MAGI2: variants seen among roughly 807,000 people sequenced by gnomAD.
The protein encoded by MAGI2 is membrane associated guanylate kinase, WW and PDZ domain containing 2.
A neutral mutation model predicts 133.3 loss-of-function variants in MAGI2; 35 were observed. The ratio of observed to expected loss-of-function variants is 0.26; its 90% CI spans 0.20 to 0.35. MAGI2 has a LOEUF of 0.35. Among genes scored for constraint, MAGI2 ranks in the 10% least tolerant of loss-of-function variants. The pLI is 1.00. For missense variants in MAGI2, 1,636 were observed against 1,863.4 expected (o/e 0.88, Z 2.25); for synonymous variants, 729 against 710.6 (o/e 1.03, Z -0.41).
intron 1 of MAGI2, among the ~76,000 whole-genome samples, chr7:79,304,621 C>T (rs903866385): frequency 2.6e-5 from 4 of 152,108 alleles, no homozygotes; most frequent in Admixed American, 6.5e-5. Flanking sequence ...CCAGCTCTTC[C>T]GTTCTGGTTT....
chr7:78,032,427 A>G (rs747648589), intron 21 of MAGI2, among the ~76,000 whole-genome samples: 16 of 152,018 alleles, frequency 1.1e-4, no homozygotes, highest in Non-Finnish European at 2.2e-4. Flanking sequence ...GTTGCCCAGG[A>G]TGGTCTTGAA....
intron 7 of MAGI2, among the ~76,000 whole-genome samples, chr7:78,363,961 A>G (rs529772638): frequency 6.6e-6 from 1 of 152,246 alleles, no homozygotes; most frequent in Non-Finnish European, 1.5e-5. Flanking sequence ...CTTGGCATGC[A>G]CGAAGTGCAC....
intron 3 of MAGI2, among the ~76,000 whole-genome samples, chr7:78,575,603 A>G (rs923021477): frequency 9.2e-5 from 14 of 152,194 alleles, no homozygotes; most frequent in African/African-American, 3.4e-4. Flanking sequence ...TAATATCGAT[A>G]GTGATAAGTC....
chr7:79,392,831 C>A (rs2053109852), intron 1 of MAGI2, among the ~76,000 whole-genome samples: 1 of 151,746 alleles, frequency 6.6e-6, no homozygotes, highest in African/African-American at 2.4e-5. Context: ...AATACTTTGC[C>A]AAGGCAGGAA....
intron 1 of MAGI2, among the ~76,000 whole-genome samples, chr7:79,440,179 T>C (rs938407787): frequency 6.6e-6 from 1 of 152,008 alleles, no homozygotes; most frequent in African/African-American, 2.4e-5. Context: ...GTTCTTTTTT[T>C]TTTTTCTTTA....
At chr7:79,282,712 G>A (rs1166556694) in intron 1 of MAGI2, among the ~76,000 whole-genome samples, 1 of 151,976 alleles carries the variant, frequency 6.6e-6, no homozygotes, top group Non-Finnish European at 1.5e-5. Context: ...TAAAGACCTG[G>A]CATTCAGAAA....
intron 2 of MAGI2, among the ~76,000 whole-genome samples, chr7:78,759,617 T>C (rs545479423): frequency 9.5e-4 from 145 of 152,312 alleles, no homozygotes; most frequent in Admixed American, 1.4e-3. Flanking sequence ...TTAAAACCAT[T>C]AGTTGTATTA....
intron 21 of MAGI2, among the ~76,000 whole-genome samples, chr7:78,020,786 A>C (rs538096933): frequency 2.6e-5 from 4 of 151,438 alleles, no homozygotes; most frequent in African/African-American, 2.4e-5. Flanking sequence ...TCAGTTTCAG[A>C]ATTTGGATAA....
At chr7:78,185,146 T>C (rs2150705668) in intron 13 of MAGI2, among the ~76,000 whole-genome samples, 1 of 152,350 alleles carries the variant, frequency 6.6e-6, no homozygotes, top group East Asian at 1.9e-4. Context: ...TAACTTAGTA[T>C]ATGCAAAATA....
At chr7:79,310,294 A>ACAGCAATC (rs904918913) in intron 1 of MAGI2, among the ~76,000 whole-genome samples, 9 of 151,958 alleles carry the variant, frequency 5.9e-5, no homozygotes, top group African/African-American at 2.2e-4. Context: ...TTCTAAAGAT[A>ACAGCAATC]CAGCAATCCA....
Position 78,719,104 on chromosome 7 carries a change from C to A in MAGI2, c.419-91865G>T, listed in dbSNP as rs527483486. ...ATATCTAGATTTACCTGAAGAATTT[C>A]TCTGCCTCCAGCTTTCCAACATTCT... On this transcript the variant is annotated intron_variant, in intron 2 of 21. Transcript: ENST00000354212. Among the ~76,000 whole-genome samples the A allele has an allele frequency of 3.3e-5, 5 of 152,322 alleles. No individual in the cohort carries two copies. The South Asian group carries it at 1.0e-3, about 32-fold the overall frequency.
At chr7:78,371,704 C>G (rs1426642776) in intron 6 of MAGI2, among the ~76,000 whole-genome samples, 4 of 152,028 alleles carry the variant, frequency 2.6e-5, no homozygotes, top group African/African-American at 9.7e-5. Flanking sequence ...CACTTGTTAT[C>G]ATGCAGTCCT....
At chr7:79,128,079 T>C (rs562335196) in intron 1 of MAGI2, among the ~76,000 whole-genome samples, 294 of 152,336 alleles carry the variant, frequency 1.9e-3, no homozygotes, top group African/African-American at 6.8e-3. Flanking sequence ...TTGCTTGTTT[T>C]TGTCAGGTTT....
In MAGI2 at chr7:78,325,343, CCAGA is replaced by C. The variant is rs375065308; in HGVS notation, c.1408+18431_1408+18434del. On this transcript the variant is annotated intron_variant, in intron 9 of 21. Transcript: ENST00000354212. ...AGACAGTTTATAGATGCTGAATCTT[CCAGA>C]CAAACTTTACAGCCTTGTTCACATA... Among the ~76,000 whole-genome samples, 78 of 152,250 alleles carry C rather than the reference CCAGA, an allele frequency of 5.1e-4. No homozygotes were observed. The East Asian group carries it at 0.013, about 26-fold the overall frequency.
At chr7:79,068,188 C>T (rs1396393487) in intron 1 of MAGI2, among the ~76,000 whole-genome samples, 2 of 152,118 alleles carry the variant, frequency 1.3e-5, no homozygotes, top group Non-Finnish European at 2.9e-5. Context: ...GGTACTAACT[C>T]CTCTTTGTAC....
At chr7:78,206,133 T>A (rs188261917) in intron 10 of MAGI2, among the ~76,000 whole-genome samples, 3 of 152,316 alleles carry the variant, frequency 2.0e-5, no homozygotes, top group African/African-American at 7.2e-5. Flanking sequence ...GGTAACAGTT[T>A]TATTATTATT....
At chr7:78,848,436 C>T (rs1307271894) in intron 2 of MAGI2, among the ~76,000 whole-genome samples, 1 of 151,998 alleles carries the variant, frequency 6.6e-6, no homozygotes, top group East Asian at 1.9e-4. Flanking sequence ...TCTATCCTTG[C>T]CATCCTTTGA....
intron 2 of MAGI2, among the ~76,000 whole-genome samples, chr7:78,638,563 A>G (rs140447731): frequency 1.6e-3 from 239 of 152,292 alleles, no homozygotes; most frequent in Non-Finnish European, 2.7e-3. Context: ...CACCCCAATA[A>G]AATCAGATTC....
intron 7 of MAGI2, among the ~76,000 whole-genome samples, chr7:78,357,128 C>T (rs553742881): frequency 6.6e-6 from 1 of 152,318 alleles, no homozygotes; most frequent in East Asian, 1.9e-4. Context: ...GTCTGGGAGT[C>T]AAGTGCAACT....
Sources: gnomAD v4.1 joint callset for allele counts (sites outside exome capture counted in the v4.1 genomes callset) on GRCh38, gnomAD v4.1.1 for gene constraint, MANE v1.5 for transcripts, NCBI Gene and HGNC (gene_info 2026-07-23, HGNC 2026-07-21) for gene names.